Variants in PPARGC1A observed in about 807,000 individuals in gnomAD.
PPARGC1A encodes the protein PPARG coactivator 1 alpha.
Under a neutral mutation model 88.7 loss-of-function variants are expected in PPARGC1A, and 25 were observed. The observed-to-expected ratio is 0.28, with a 90% CI of 0.21 to 0.39. The LOEUF is 0.39. Ranked by LOEUF, PPARGC1A falls within the 10% of genes least tolerant of loss-of-function variation. The pLI is 1.00. For missense variants in PPARGC1A, 880 were observed against 968.7 expected (o/e 0.91, Z 1.22); for synonymous variants, 363 against 355.6 (o/e 1.02, Z -0.24).
At chr4:24,303,103 T>G in the PPARGC1A span, among the ~76,000 whole-genome samples, 2 of 152,054 alleles carry the variant, frequency 1.3e-5, no homozygotes, top group South Asian at 4.2e-4. Context: ...ATCTTCCATC[T>G]CCCTTACACA....
chr4:24,000,521 T>TTA, the PPARGC1A span, among the ~76,000 whole-genome samples: 2 of 151,680 alleles, frequency 1.3e-5, no homozygotes, highest in Non-Finnish European at 2.9e-5. Flanking sequence ...TGCTTTTTTT[T>TTA]AATGAAGCAG....
the PPARGC1A span, among the ~76,000 whole-genome samples, chr4:24,341,914 G>T: frequency 1.3e-5 from 2 of 152,198 alleles, no homozygotes; most frequent in Non-Finnish European, 2.9e-5. Flanking sequence ...GGAGTTCAGT[G>T]AACAAGCAGG....
chr4:24,056,771 G>A, the PPARGC1A span, among the ~76,000 whole-genome samples: 2 of 152,148 alleles, frequency 1.3e-5, no homozygotes, highest in African/African-American at 2.4e-5. Context: ...CCATTAGGAC[G>A]GCAACTATGA....
the PPARGC1A span, among the ~76,000 whole-genome samples, chr4:24,308,774 T>G: frequency 6.6e-6 from 1 of 152,184 alleles, no homozygotes; most frequent in Admixed American, 6.5e-5. Flanking sequence ...CTTAAAAAAT[T>G]GAAAACTGCT....
the PPARGC1A span, among the ~76,000 whole-genome samples, chr4:23,920,218 C>CA: frequency 9.2e-5 from 14 of 152,192 alleles, no homozygotes; most frequent in African/African-American, 3.1e-4. Context: ...ATAAATATAA[C>CA]AGTATGGGTT....
At chr4:24,390,744 A>G in the PPARGC1A span, among the ~76,000 whole-genome samples, 1 of 151,998 alleles carries the variant, frequency 6.6e-6, no homozygotes, top group Non-Finnish European at 1.5e-5. Flanking sequence ...CGGTATTTTT[A>G]GTGGCCTTTC....
At chr4:23,911,365 C>CA in the PPARGC1A span, among the ~76,000 whole-genome samples, 3 of 152,256 alleles carry the variant, frequency 2.0e-5, no homozygotes, top group South Asian at 6.2e-4. Flanking sequence ...AATCTATCCC[C>CA]ATAAGGTGTC....
the PPARGC1A span, among the ~76,000 whole-genome samples, chr4:23,967,812 G>T: frequency 6.6e-6 from 1 of 152,144 alleles, no homozygotes; most frequent in Non-Finnish European, 1.5e-5. Context: ...CCTGCTGAAG[G>T]TTATCGACAC....
At chr4:23,977,038 AAGG>A in the PPARGC1A span, among the ~76,000 whole-genome samples, 2 of 152,116 alleles carry the variant, frequency 1.3e-5, no homozygotes, top group South Asian at 2.1e-4. Context: ...GGAGAACAAG[AAGG>A]AGAAGAGGAA....
At chr4:24,321,386 C>T in the PPARGC1A span, among the ~76,000 whole-genome samples, 11 of 152,162 alleles carry the variant, frequency 7.2e-5, no homozygotes, top group Non-Finnish European at 1.2e-4. Context: ...ATGAAGCTGG[C>T]AGTCTCTCAA....
the PPARGC1A span, among the ~76,000 whole-genome samples, chr4:24,002,922 T>A: frequency 6.6e-6 from 1 of 152,180 alleles, no homozygotes; most frequent in African/African-American, 2.4e-5. Flanking sequence ...CCTCACAGGA[T>A]CTTGAATTTT....
the PPARGC1A span, among the ~76,000 whole-genome samples, chr4:24,316,223 T>A: frequency 1.3e-5 from 2 of 152,222 alleles, no homozygotes; most frequent in Admixed American, 1.3e-4. Context: ...ACCATATGTG[T>A]CTGCCACAGT....
chr4:24,214,279 T>C, the PPARGC1A span, among the ~76,000 whole-genome samples: 1 of 152,218 alleles, frequency 6.6e-6, no homozygotes, highest in Admixed American at 6.5e-5. Context: ...ATTTGCAAAT[T>C]AATCAACTAC....
intron 2 of PPARGC1A, among the ~76,000 whole-genome samples, chr4:23,878,149 G>A (rs76107259): frequency 0.07 from 10,721 of 152,128 alleles, 416 homozygotes; most frequent in African/African-American, 0.085. Context: ...TTGAGACTCC[G>A]GGAGGTTGGA....
At chr4:23,956,023 A>C in the PPARGC1A span, among the ~76,000 whole-genome samples, 3 of 152,146 alleles carry the variant, frequency 2.0e-5, no homozygotes, top group African/African-American at 4.8e-5. Flanking sequence ...AGGCATGGCT[A>C]TCCAATAAAA....
intron 2 of PPARGC1A, among the ~76,000 whole-genome samples, chr4:23,857,838 G>A (rs1415069028): frequency 6.6e-6 from 1 of 151,544 alleles, no homozygotes; most frequent in Non-Finnish European, 1.5e-5. Context: ...TAGTTCCCAG[G>A]CTCCAGGTCT....
chr4:24,339,144 T>G, the PPARGC1A span, among the ~76,000 whole-genome samples: 1 of 151,322 alleles, frequency 6.6e-6, no homozygotes, highest in East Asian at 2.0e-4. Context: ...ATTTGTTCCT[T>G]GTGTGTCTGG....
chr4:24,293,857 A>T, the PPARGC1A span, among the ~76,000 whole-genome samples: 1 of 152,076 alleles, frequency 6.6e-6, no homozygotes, highest in Non-Finnish European at 1.5e-5. Flanking sequence ...CAGGTCTTTG[A>T]ATATAGAAAT....
the PPARGC1A span, among the ~76,000 whole-genome samples, chr4:24,288,335 T>C: frequency 3.9e-5 from 6 of 152,188 alleles, no homozygotes; most frequent in Admixed American, 2.0e-4. Context: ...AAAGGCCATA[T>C]GGTGATTTTT....
Sources: gnomAD v4.1 joint callset for allele counts (sites outside exome capture counted in the v4.1 genomes callset) on GRCh38, gnomAD v4.1.1 for gene constraint, MANE v1.5 for transcripts, NCBI Gene and HGNC (gene_info 2026-07-23, HGNC 2026-07-21) for gene names.